Variants in FGF22 observed in about 807,000 individuals in gnomAD.
The protein encoded by FGF22 is FGF-22.
A neutral mutation model predicts 10.3 loss-of-function variants in FGF22; 11 were observed. The ratio of observed to expected loss-of-function variants is 1.07; its 90% confidence interval spans 0.67 to 1.77. FGF22 has a LOEUF of 1.77. Among genes scored for constraint, FGF22 ranks in the 40% most tolerant of loss-of-function variants. The pLI, the probability that FGF22 is intolerant of heterozygous loss-of-function variation, is 0.00. For synonymous variants in FGF22, 136 were observed against 122.1 expected (o/e 1.11, Z -0.75); for missense variants, 317 against 273.2 (o/e 1.16, Z -1.13).
chr19:640,664 C>G (rs1436478362), intron 1 of FGF22: 1 of 156,100 alleles, frequency 6.4e-6, no homozygotes, highest in Non-Finnish European at 1.4e-5. Flanking sequence ...CGTCACGGAG[C>G]GGGCGTCTCT....
Position 640,151 on chromosome 19 carries a change from G to A in FGF22, c.214+12G>A. Reference sequence around the variant, plus strand: ...CCACGGCCAGGACAGTGAGTGCGGGGCGGCGGGGGCCTGGGGTGGGGAGGC... The same window carrying A: ...CCACGGCCAGGACAGTGAGTGCGGGACGGCGGGGGCCTGGGGTGGGGAGGC... On this transcript the variant is annotated intron_variant, in intron 1 of 2. Coordinates refer to ENST00000215530, the Ensembl canonical transcript of FGF22. 1.5e-6 allele frequency: 2 copies of A among 1,293,274 alleles called. No individual in the cohort carries two copies. Among genetic ancestry groups the A allele is most frequent in the Non-Finnish European group, 2.0e-6 (2 of 1,021,968 alleles). 80.1% of individuals were successfully genotyped at this position (1,293,274 alleles called of 1,614,324 possible).
chr19:640,108 G>A, exon 1 of FGF22: 3 of 1,387,548 alleles, frequency 2.2e-6, no homozygotes, highest in East Asian at 3.0e-5. Flanking sequence ...GCGGCCGCGT[G>A]CAGGGCACCC....
Position 642,296 on chromosome 19 carries a change from AGGGCC to A in FGF22, c.215-934_215-930del, listed in dbSNP as rs1303858763. ...TCCATATGGGGTGGTGTGAGCTGTG[AGGGCC>A]GGGCTGGGGGCTCCATATGGGGTGG... On this transcript the variant is annotated intron_variant, in intron 1 of 2. Transcript: ENST00000215530. 9.6e-3 allele frequency among the ~76,000 whole-genome samples: 80 copies of A among 8,324 alleles called. 4 individuals carry two copies. Among genetic ancestry groups the A allele is most frequent in the African/African-American group, 0.018 (38 of 2,144 alleles). 5.5% of individuals were successfully genotyped at this position (8,324 alleles called of 152,430 possible).
chr19:642,081 C>T (rs1002416562), intron 1 of FGF22, among the ~76,000 whole-genome samples: 7 of 152,212 alleles, frequency 4.6e-5, no homozygotes, highest in Non-Finnish European at 5.9e-5. Flanking sequence ...ATACAGTCGG[C>T]GCTCAAGCAT....
At chr19:644,033 G>A (rs551500259) in exon 3 of FGF22, 8 of 207,082 alleles carry the variant, frequency 3.9e-5, no homozygotes, top group African/African-American at 1.2e-4. Flanking sequence ...CAAATACAAC[G>A]CCTTGCGAGG....
chr19:640,428 G>A (rs1316509173), intron 1 of FGF22: 1 of 296,054 alleles, frequency 3.4e-6, no homozygotes, highest in Admixed American at 5.1e-5. Context: ...TGAGGCTCCA[G>A]AGGGGCTGGG....
rs760964028 is a variant in FGF22, at chr19:643,527, AG to A, written c.444del (p.Arg150GlyfsTer75). On this transcript the variant is annotated frameshift_variant, in exon 3 of 3. Transcript: ENST00000215530. LOFTEE classifies it low-confidence loss of function (END_TRUNC). ...GCCCATGTTCCTGGCGCTGGACAGG[AG>A]GGGGGGGCCCCGGCCAGGCGGCCGG... 3.5e-4 allele frequency: 562 copies of A among 1,599,608 alleles called. 2 individuals are homozygous for A. Among genetic ancestry groups the A allele is most frequent in the Non-Finnish European group, 4.0e-4 (472 of 1,172,948 alleles).
chr19:643,198 A>G (rs1985964230), intron 1 of FGF22, 37 bp from the exon 2 acceptor site: 1 of 1,044,806 alleles, frequency 9.6e-7, no homozygotes, highest in Non-Finnish European at 1.2e-6. Context: ...GCTGGGGGTG[A>G]GCCAGCAAGG....
exon 3 of FGF22, chr19:644,244 G>A (rs1449238458): frequency 6.5e-6 from 1 of 154,004 alleles, no homozygotes; most frequent in Non-Finnish European, 1.4e-5. Flanking sequence ...TGCTGGGGAA[G>A]GCGGGAACGG....
At chr19:643,376 G>C (rs762361366) in intron 2 of FGF22, 34 bp from the exon 3 acceptor site, 3 of 1,602,804 alleles carry the variant, frequency 1.9e-6, no homozygotes, top group South Asian at 1.1e-5. Flanking sequence ...CGGGCAGGGT[G>C]GGGAGGGTGG....
In FGF22 at chr19:641,665, T is replaced by C. The variant is rs1462785478; in HGVS notation, c.214+1526T>C. 3 of 187,630 alleles carry C rather than the reference T, an allele frequency of 1.6e-5. No individual in the cohort carries two copies. The Admixed American group carries it at 1.6e-4, about 10-fold the overall frequency. The allele number at this position is 187,630 out of a possible 1,614,324, so 11.6% of individuals were successfully genotyped here. A position where few individuals can be genotyped will look rare whatever the true frequency, so the allele number is the denominator to read the frequency against. On this transcript the variant is annotated intron_variant, in intron 1 of 2. Coordinates refer to ENST00000215530, the Ensembl canonical transcript of FGF22. ...GTGAACGGCGGTGTTGGGAGGCACC[T>C]TGCCAGGGGAGGGGAGGTGCAGGGC...
exon 3 of FGF22, chr19:643,485 T>G (rs753640996): frequency 2.5e-5 from 40 of 1,610,952 alleles, no homozygotes; most frequent in Non-Finnish European, 3.2e-5. Flanking sequence ...CTCACAGCGC[T>G]GGCGCCGCCG....
chr19:640,917 C>T (rs1424719108), intron 1 of FGF22: 3 of 315,226 alleles, frequency 9.5e-6, no homozygotes, highest in African/African-American at 4.3e-5. Flanking sequence ...GGCGCCAAGG[C>T]CCTCATTAGG....
intron 1 of FGF22, 113 bp downstream of exon 1, chr19:640,252 C>T (rs796649240): frequency 3.1e-6 from 2 of 638,974 alleles, no homozygotes; most frequent in African/African-American, 3.8e-5. Flanking sequence ...CTCCTCTGTG[C>T]AGCCTCGGCC....
At position 643,476 on chromosome 19, in the gene FGF22, TCA is replaced by T. The variant is rs772170482; in HGVS notation, c.388_389del (p.Gln130AlafsTer44). The T allele has an allele frequency of 1.1e-4, 175 of 1,611,320 alleles. No individual in the cohort carries two copies. In the African/African-American group the frequency reaches 2.1e-3, roughly 19 times the overall value. On this transcript the variant is annotated frameshift_variant, in exon 3 of 3. Transcript: ENST00000215530. LOFTEE classifies it low-confidence loss of function (END_TRUNC). ...AGAGAACGGCCACAACACCTACGCCTCACAGCGCTGGCGCCGCCGCGGCCAGC... is the reference window on the plus strand; with the variant it reads ...AGAGAACGGCCACAACACCTACGCCTCAGCGCTGGCGCCGCCGCGGCCAGC...
intron 1 of FGF22, chr19:640,458 G>A: frequency 4.0e-6 from 1 of 249,532 alleles, no homozygotes; most frequent in Non-Finnish European, 7.6e-6. Flanking sequence ...GCTGCATGGC[G>A]GAAGCGGCGG....
chr19:643,587 C>A, exon 3 of FGF22: 1 of 1,549,904 alleles, frequency 6.5e-7, no homozygotes, highest in South Asian at 1.2e-5. Context: ...CCACTTCCTG[C>A]CCGTCCTGGT....
intron 1 of FGF22, among the ~76,000 whole-genome samples, chr19:641,981 A>G (rs1389880449): frequency 2.6e-5 from 4 of 152,212 alleles, no homozygotes; most frequent in African/African-American, 9.6e-5. Context: ...CCCACAGACG[A>G]TGGCGTCCAA....
intron 1 of FGF22, among the ~76,000 whole-genome samples, chr19:642,326 G>A (rs1985930365): frequency 1.5e-4 from 1 of 6,764 alleles, no homozygotes. Flanking sequence ...ATATGGGGTG[G>A]TGTGAGCTGT....
Sources: allele counts gnomAD v4.1 joint callset (sites outside exome capture counted in the v4.1 genomes callset), GRCh38; gene constraint gnomAD v4.1.1; transcripts MANE v1.5; gene names NCBI Gene and HGNC (gene_info 2026-07-23, HGNC 2026-07-21).